The following KIF9 variants were observed in gnomAD, a reference collection of about 807,000 sequenced individuals.
KIF9 encodes the protein kinesin family member 9.
KIF9 carries 68 observed loss-of-function variants against 94.8 expected under a neutral mutation model. That is an observed-to-expected ratio of 0.72 (90% CI 0.59 to 0.88). The LOEUF is 0.88. Ranked by LOEUF, KIF9 falls within the 40% of genes least tolerant of loss-of-function variation. KIF9 has a pLI of 0.00. For synonymous variants in KIF9, 343 were observed against 362.1 expected, an observed-to-expected ratio of 0.95 and a Z score of 0.60; for missense variants, 882 against 982.5, an observed-to-expected ratio of 0.90 and a Z score of 1.37.
chr3:47,247,809 C>T lies in KIF9; in HGVS notation c.1128+209G>A, dbSNP rs575694209. On this transcript the variant is annotated intron_variant, in intron 11 of 20. Transcript: ENST00000684063. The stretch of plus-strand genomic sequence containing the variant: ...CGGGAGGCATGCGCTGCCTCTGCCT[C>T]GAGGCCCCTCAGGACCGTTGGAGGA... 5.6e-4 allele frequency among the ~76,000 whole-genome samples: 86 copies of T among 152,284 alleles called. 1 individual carries two copies. Among genetic ancestry groups the T allele is most frequent in the African/African-American group, 2.0e-3 (84 of 41,548 alleles).
At chr3:47,282,266 G>A (rs1272934550) in intron 1 of KIF9, 1 of 985,398 alleles carries the variant, frequency 1.0e-6, no homozygotes, top group Non-Finnish European at 1.2e-6. Flanking sequence ...GACGCGACGT[G>A]GGACCCCTTT....
At position 47,277,387 on chromosome 3, in the gene KIF9, G is replaced by C. The variant is rs899652897; in HGVS notation, c.-5-8C>G. 3 of 1,596,980 alleles carry C rather than the reference G, an allele frequency of 1.9e-6. No individual in the cohort carries two copies. Among genetic ancestry groups the C allele is most frequent in the Non-Finnish European group, 2.6e-6 (3 of 1,165,084 alleles). ...TCCTAGTACCCATTCTAGCTAAAAAGAAGGGAACAATGAAATTTTGAGTAG... is the reference window on the plus strand; with the variant it reads ...TCCTAGTACCCATTCTAGCTAAAAACAAGGGAACAATGAAATTTTGAGTAG... On this transcript the variant is annotated splice_region_variant and splice_polypyrimidine_tract_variant and intron_variant, in intron 1 of 20. Transcript: ENST00000684063.
rs143450759 is a variant in KIF9, at chr3:47,256,821, T to A, written c.1059+662A>T. 5.1e-4 allele frequency among the ~76,000 whole-genome samples: 77 copies of A among 152,326 alleles called. 2 individuals carry two copies. The East Asian group carries it at 0.014, about 27-fold the overall frequency. On this transcript the variant is annotated intron_variant, in intron 10 of 20. Coordinates refer to ENST00000684063, the MANE Select transcript of KIF9 (RefSeq NM_182902.4). ...TAAGAAAAGTTCTTCTGCCTTGGGA[T>A]CCTGTTGATCTGTGACCTTGCCCCC...
At chr3:47,282,140 C>T (rs1200171732) in intron 1 of KIF9, 1 of 969,032 alleles carries the variant, frequency 1.0e-6, no homozygotes, top group Non-Finnish European at 1.2e-6. Context: ...GTTTCCTCAC[C>T]TGTAACACGA....
intron 9 of KIF9, chr3:47,263,932 G>A: frequency 2.1e-6 from 1 of 468,594 alleles, no homozygotes; most frequent in Non-Finnish European, 4.3e-6. Context: ...AAACATGTGT[G>A]ATTATAAAGA....
At chr3:47,253,912 C>T (rs1182413276) in intron 10 of KIF9, among the ~76,000 whole-genome samples, 2 of 152,194 alleles carry the variant, frequency 1.3e-5, no homozygotes, top group Non-Finnish European at 2.9e-5. Context: ...ATGGTGCTCA[C>T]AGTGCTTGTT....
Position 47,240,830 on chromosome 3 carries a change from T to C in KIF9, c.1895A>G (p.Asn632Ser), listed in dbSNP as rs1165051284. 6.2e-7 allele frequency: 1 copy of C among 1,614,192 alleles called. No individual in the cohort carries two copies. Among genetic ancestry groups the C allele is most frequent in the South Asian group, 1.1e-5 (1 of 91,078 alleles). Residue 632 changes from asparagine to serine, a missense_variant, in exon 17 of 21, where the codon AAT becomes AGT. By Grantham distance (46) the Asn-to-Ser change is conservative (BLOSUM62 1). Transcript: ENST00000684063. The stretch of plus-strand genomic sequence containing the variant: ...CTTCTCCCGTAGTGACTTCTGGAAA[T>C]TCAGGGCCTCCTTGGTCACATCAAT... The part of the protein sequence containing the change: ...REIDVTKEAL[N>S]FQKSLREKQG...
chr3:47,270,975 CAA>C (rs35244035), intron 5 of KIF9, among the ~76,000 whole-genome samples: 7 of 90,968 alleles, frequency 7.7e-5, no homozygotes, highest in Admixed American at 1.3e-4. Flanking sequence ...CTTGTCTCTA[CAA>C]AAAAAAAAAA....
chr3:47,257,472 C>A lies in KIF9; in HGVS notation c.1059+11G>T, dbSNP rs1278370866. On this transcript the variant is annotated intron_variant, in intron 10 of 20. Coordinates refer to ENST00000684063, the MANE Select transcript of KIF9 (RefSeq NM_182902.4). ...CCACAGTGGGACACCTGTCCACAAC[C>A]CCTGCTGTACCTCAGCATCATACTT... is the stretch of plus-strand genomic sequence containing the variant. 1.2e-6 allele frequency: 2 copies of A among 1,611,742 alleles called. No individual in the cohort carries two copies. Among genetic ancestry groups the A allele is most frequent in the Non-Finnish European group, 1.7e-6 (2 of 1,178,064 alleles).
chr3:47,236,018 C>T lies in KIF9; in HGVS notation c.2217+16G>A. ...ATGTTCAACCACTGCCACACCCCTGCCCCTGTGCCGCTCACCAGAGACACA... is the reference window on the plus strand; with the variant it reads ...ATGTTCAACCACTGCCACACCCCTGTCCCTGTGCCGCTCACCAGAGACACA... On this transcript the variant is annotated intron_variant, in intron 19 of 20. Coordinates refer to ENST00000684063, the MANE Select transcript of KIF9 (RefSeq NM_182902.4). The T allele has an allele frequency of 1.3e-6, 2 of 1,582,610 alleles. No individual in the cohort carries two copies. The highest frequency in any genetic ancestry group is 1.3e-5 in the African/African-American group (1 of 74,428).
chr3:47,264,375 G>A, intron 8 of KIF9, 25 bp from the exon 9 acceptor site: 2 of 1,596,538 alleles, frequency 1.3e-6, no homozygotes, highest in Non-Finnish European at 1.7e-6. Context: ...ACACAGAAGG[G>A]CTATGAACCA....
At chr3:47,235,696 C>T (rs1049182777) in intron 19 of KIF9, 79 bp from the exon 20 acceptor site, 1 of 1,189,508 alleles carries the variant, frequency 8.4e-7, no homozygotes, top group African/African-American at 1.5e-5. Context: ...CAGGGCAGTC[C>T]CTTGCTGGGT....
At position 47,275,344 on chromosome 3, in the gene KIF9, C is replaced by T. The variant is rs1224661022; in HGVS notation, c.240G>A (p.Gln80=). The T allele has an allele frequency of 1.2e-6, 2 of 1,612,306 alleles. No homozygotes were observed. Among genetic ancestry groups the T allele is most frequent in the Non-Finnish European group, 1.7e-6 (2 of 1,179,434 alleles). The change falls in exon 3 of 21, where the codon CAG becomes CAA. Residue 80 remains glutamine, a synonymous_variant. Coordinates refer to ENST00000684063, the MANE Select transcript of KIF9 (RefSeq NM_182902.4). ...YETVAKDVVS[Q]ALDGYNGTIM... ...AGTTACCATTATAGCCATCGAGGGC[C>T]TGAGAAACCACATCCTTTGCAACTG...
At chr3:47,273,465 GTC>G in intron 4 of KIF9, 85 bp downstream of exon 4, 2 of 1,004,192 alleles carry the variant, frequency 2.0e-6, no homozygotes, top group Non-Finnish European at 3.0e-6. Flanking sequence ...GGTCCCCACT[GTC>G]TCTAGTAGCT....
chr3:47,244,987 C>T, intron 14 of KIF9, 63 bp from the exon 15 acceptor site: 8 of 1,597,450 alleles, frequency 5.0e-6, no homozygotes, highest in Non-Finnish European at 6.0e-6. Flanking sequence ...CCTTGGGGAC[C>T]CACATGTATA....
chr3:47,276,976 A>T, intron 2 of KIF9: 1 of 215,676 alleles, frequency 4.6e-6, no homozygotes, highest in South Asian at 1.3e-4. Context: ...ACAATGACAG[A>T]TCAATCATTA....
At chr3:47,234,208 A>G (rs1467123720) in intron 20 of KIF9, among the ~76,000 whole-genome samples, 103 of 151,806 alleles carry the variant, frequency 6.8e-4, no homozygotes, top group Non-Finnish European at 2.1e-4. Flanking sequence ...TCAGAAGCTG[A>G]TAGAGGGGGA....
chr3:47,250,565 G>T, intron 10 of KIF9: 1 of 492,650 alleles, frequency 2.0e-6, no homozygotes. Flanking sequence ...AGGTTCAAGG[G>T]TGGCACATCT....
At chr3:47,260,365 CAT>C (rs1453915934) in intron 9 of KIF9, among the ~76,000 whole-genome samples, 1 of 150,640 alleles carries the variant, frequency 6.6e-6, no homozygotes, top group Non-Finnish European at 1.5e-5. Flanking sequence ...CGGGATCCTC[CAT>C]ATGCTGAACG....
Sources: allele counts gnomAD v4.1 joint callset (sites outside exome capture counted in the v4.1 genomes callset), GRCh38; gene constraint gnomAD v4.1.1; transcripts MANE v1.5; gene names NCBI Gene and HGNC (gene_info 2026-07-23, HGNC 2026-07-21).